SNAI1: variants seen among roughly 807,000 people sequenced by gnomAD.
The protein encoded by SNAI1 is snail family transcriptional repressor 1.
Under a neutral mutation model 24.7 loss-of-function variants are expected in SNAI1, and 15 were observed. The observed-to-expected ratio is 0.61, with a 90% CI of 0.41 to 0.93. The LOEUF (loss-of-function observed/expected upper bound fraction) is 0.93, where lower values mean the gene tolerates loss of function less well. Ranked by LOEUF, SNAI1 falls within the 40% of genes least tolerant of loss-of-function variation. The pLI is 0.00. For missense variants in SNAI1, 283 were observed against 336.7 expected, an observed-to-expected ratio of 0.84 and a Z score of 1.25; for synonymous variants, 163 against 142.9, an observed-to-expected ratio of 1.14 and a Z score of -1.00.
rs144872502 is a variant in SNAI1 at position 49,988,058 on chromosome 20, C to G, written c.*2C>G. 3.5e-4 allele frequency: 555 copies of G among 1,584,632 alleles called. 2 individuals carry two copies. In the African/African-American group the frequency reaches 6.9e-3, roughly 20 times the overall value. ...GGCTGCTCAGGATGTCCCCGCTGAC[C>G]CTCGAGGCTCCCTCTTCCTCTCCAT... On this transcript the variant is annotated 3_prime_UTR_variant, in exon 3 of 3. Transcript: ENST00000244050.
chr20:49,983,040 AC>A lies in SNAI1; in HGVS notation c.-16del. ...TGCGCTACTGCTGCGCGAATCGGCG[AC>A]CCCAGTGCCTCGACCACTATGCCGC... is the stretch of plus-strand genomic sequence containing the variant. On this transcript the variant is annotated 5_prime_UTR_variant, in exon 1 of 3. Coordinates refer to ENST00000244050, the MANE Select transcript of SNAI1 (RefSeq NM_005985.4). 6.2e-7 allele frequency: 1 copy of A among 1,602,372 alleles called. No individual in the cohort carries two copies. The highest frequency in any genetic ancestry group is 8.5e-7 in the Non-Finnish European group (1 of 1,172,232).
At chr20:49,983,674 G>A (rs981861722) in intron 1 of SNAI1, 150 bp from the exon 2 acceptor site, 23 of 735,202 alleles carry the variant, frequency 3.1e-5, no homozygotes, top group Non-Finnish European at 4.7e-5. Context: ...GGCGAGGAGG[G>A]CAGGAACCTG....
intron 1 of SNAI1, among the ~76,000 whole-genome samples, chr20:49,983,507 T>G: frequency 8.3e-6 from 1 of 120,168 alleles, no homozygotes; most frequent in African/African-American, 3.2e-5. Context: ...ACGAGATGTG[T>G]GTGAGGAGGG....
chr20:49,987,436 A>T (rs6012791), intron 2 of SNAI1, among the ~76,000 whole-genome samples: 5 of 152,014 alleles, frequency 3.3e-5, no homozygotes, highest in Non-Finnish European at 5.9e-5. Context: ...TGCCAGGGGA[A>T]CCTGAACATG....
chr20:49,988,257 T>G lies in SNAI1; in HGVS notation c.*201T>G. The G allele has an allele frequency of 1.8e-6, 1 of 553,836 alleles. No individual in the cohort carries two copies. The highest frequency in any genetic ancestry group is 3.1e-6 in the Non-Finnish European group (1 of 318,526). The allele number at this position is 553,836 out of a possible 1,614,324, so 34.3% of individuals were successfully genotyped here. A position where few individuals can be genotyped will look rare whatever the true frequency, so the allele number is the denominator to read the frequency against. ...CTCTGCCTGGGCTCTGGAAGAGGCC[T>G]TCCCATGGCCATTTCTGTGGAGGGA... On this transcript the variant is annotated 3_prime_UTR_variant, in exon 3 of 3. Transcript: ENST00000244050.
In SNAI1 at chr20:49,986,442, G is replaced by A. The variant is rs574702318; in HGVS notation, c.611-1430G>A. ...CCTGGTAGCTCAGTGTGGCACCCTA[G>A]GCACCCAGGAGGTGATGGAATGAAT... On this transcript the variant is annotated intron_variant, in intron 2 of 2. Transcript: ENST00000244050. Among the ~76,000 whole-genome samples the A allele has an allele frequency of 2.6e-5, 4 of 152,254 alleles. No homozygotes were observed. In the South Asian group the frequency reaches 8.3e-4, roughly 32 times the overall value.
Position 49,988,166 on chromosome 20 carries a change from G to A in SNAI1, c.*110G>A. 1 of 981,184 alleles carries A rather than the reference G, an allele frequency of 1.0e-6. No individual in the cohort carries two copies. The highest frequency in any genetic ancestry group is 1.5e-6 in the Non-Finnish European group (1 of 669,422). The allele number at this position is 981,184 out of a possible 1,614,324, so 60.8% of individuals were successfully genotyped here. On this transcript the variant is annotated 3_prime_UTR_variant, in exon 3 of 3. Transcript: ENST00000244050. ...TCACTGCCATGGAATTCCCTCCTGA[G>A]TGCCCCACTTCTGGCCACATCAGCC...
chr20:49,984,167 C>A lies in SNAI1; in HGVS notation c.426C>A (p.Leu142=). ...AAGTGCCCAAGCAGCTGGCCCAGCT[C>A]TCTGAGGCCAAGGATCTCCAGGCTC... The part of the protein sequence containing the change: ...LGQVPKQLAQ[L]SEAKDLQARK... Residue 142 remains leucine, a synonymous_variant, in exon 2 of 3, where the codon CTC becomes CTA. Transcript: ENST00000244050. The A allele has an allele frequency of 6.2e-7, 1 of 1,614,220 alleles. No homozygotes were observed. Among genetic ancestry groups the A allele is most frequent in the Non-Finnish European group, 8.5e-7 (1 of 1,180,044 alleles).
Position 49,988,205 on chromosome 20 carries a change from A to G in SNAI1, c.*149A>G. On this transcript the variant is annotated 3_prime_UTR_variant, in exon 3 of 3. Coordinates refer to ENST00000244050, the MANE Select transcript of SNAI1 (RefSeq NM_005985.4). ...GCCACATCAGCCCCACAGGACTTTG[A>G]TGAAGACCATTTTCTGGTTCTGTGT... The G allele has an allele frequency of 1.5e-6, 1 of 659,758 alleles. No individual in the cohort carries two copies. Among genetic ancestry groups the G allele is most frequent in the Non-Finnish European group, 2.5e-6 (1 of 398,848 alleles). The allele number at this position is 659,758 out of a possible 1,614,324, so 40.9% of individuals were successfully genotyped here.
In SNAI1 at chr20:49,984,341, G is replaced by T; in HGVS notation, c.600G>T (p.Arg200=). The change falls in exon 2 of 3, where the codon CGG becomes CGT. Residue 200 remains arginine, a synonymous_variant. Coordinates refer to ENST00000244050, the MANE Select transcript of SNAI1 (RefSeq NM_005985.4). ...CCTGGCTGCTACAAGGCCATGTCCG[G>T]ACCCACACTGGTACGTGCCCCTCCA... is the stretch of plus-strand genomic sequence containing the variant. ...SRPWLLQGHV[R]THTGEKPFSC... The T allele has an allele frequency of 6.2e-7, 1 of 1,602,706 alleles. No individual in the cohort carries two copies. Among genetic ancestry groups the T allele is most frequent in the Admixed American group, 1.7e-5 (1 of 57,882 alleles).
At chr20:49,986,371 T>A (rs1384168034) in intron 2 of SNAI1, among the ~76,000 whole-genome samples, 1 of 152,046 alleles carries the variant, frequency 6.6e-6, no homozygotes, top group Non-Finnish European at 1.5e-5. Context: ...AAGTCCCTAT[T>A]GAATGCATGG....
At chr20:49,986,186 A>G (rs2078333383) in intron 2 of SNAI1, among the ~76,000 whole-genome samples, 2 of 152,154 alleles carry the variant, frequency 1.3e-5, no homozygotes, top group Non-Finnish European at 2.9e-5. Context: ...TCACATGAAG[A>G]CTTAGAATGC....
In SNAI1 at chr20:49,986,431, G is replaced by A. The variant is rs73910363; in HGVS notation, c.611-1441G>A. On this transcript the variant is annotated intron_variant, in intron 2 of 2. Coordinates refer to ENST00000244050, the MANE Select transcript of SNAI1 (RefSeq NM_005985.4). ...CTCTCTCCTACCCTGGTAGCTCAGT[G>A]TGGCACCCTAGGCACCCAGGAGGTG... Among the ~76,000 whole-genome samples, 1,098 of 152,202 alleles carry A rather than the reference G, an allele frequency of 7.2e-3. 16 individuals carry two copies. The highest frequency in any genetic ancestry group is 0.022 in the African/African-American group (919 of 41,518).
Position 49,984,501 on chromosome 20 carries a change from C to T in SNAI1, c.610+150C>T, listed in dbSNP as rs1381732512. The T allele has an allele frequency of 7.5e-6, 6 of 801,584 alleles. No homozygotes were observed. The Admixed American group carries it at 1.8e-4, about 24-fold the overall frequency. The allele number at this position is 801,584 out of a possible 1,614,324, so 49.7% of individuals were successfully genotyped here. A position where few individuals can be genotyped will look rare whatever the true frequency, so the allele number is the denominator to read the frequency against. On this transcript the variant is annotated intron_variant, in intron 2 of 2. Transcript: ENST00000244050. ...GTTCCAGGGCCTGGCTCTCTGGAAA[C>T]GTTTGGCAGAAACTTTCTTCATCAG... is the stretch of plus-strand genomic sequence containing the variant.
Position 49,988,119 on chromosome 20 carries a change from C to T in SNAI1, c.*63C>T. 1.4e-6 allele frequency: 2 copies of T among 1,414,398 alleles called. No homozygotes were observed. Among genetic ancestry groups the T allele is most frequent in the South Asian group, 1.3e-5 (1 of 75,154 alleles). 87.6% of individuals were successfully genotyped at this position (1,414,398 alleles called of 1,614,324 possible). A position where few individuals can be genotyped will look rare whatever the true frequency, so the allele number is the denominator to read the frequency against. Reference sequence around the variant, plus strand: ...GCCTGACAGCCTTCCCCAGCTCCAGCAGGAAGGACCCCACATCCTTCTCAC... The same window carrying T: ...GCCTGACAGCCTTCCCCAGCTCCAGTAGGAAGGACCCCACATCCTTCTCAC... On this transcript the variant is annotated 3_prime_UTR_variant, in exon 3 of 3. Transcript: ENST00000244050.
rs1568931738 is a variant in SNAI1, at chr20:49,988,063, A to G, written c.*7A>G. The G allele has an allele frequency of 1.3e-6, 2 of 1,582,362 alleles. No homozygotes were observed. The highest frequency in any genetic ancestry group is 1.7e-6 in the Non-Finnish European group (2 of 1,161,376). On this transcript the variant is annotated 3_prime_UTR_variant, in exon 3 of 3. Transcript: ENST00000244050. ...CTCAGGATGTCCCCGCTGACCCTCG[A>G]GGCTCCCTCTTCCTCTCCATACCTG...
rs1309490087 is a variant in SNAI1, at chr20:49,988,497, T to C, written c.*441T>C. ...CCACCCTCCACGAGGTGTGACTAACTATGCAATAATCCACCCCCAGGTGCA... is the reference window on the plus strand; with the variant it reads ...CCACCCTCCACGAGGTGTGACTAACCATGCAATAATCCACCCCCAGGTGCA... On this transcript the variant is annotated 3_prime_UTR_variant, in exon 3 of 3. Coordinates refer to ENST00000244050, the MANE Select transcript of SNAI1 (RefSeq NM_005985.4). 6.4e-6 allele frequency: 1 copy of C among 155,700 alleles called. No homozygotes were observed. The highest frequency in any genetic ancestry group is 1.4e-5 in the Non-Finnish European group (1 of 70,608). 9.6% of individuals were successfully genotyped at this position (155,700 alleles called of 1,614,324 possible).
rs200570900 is a variant in SNAI1 at position 49,987,873 on chromosome 20, C to T, written c.612C>T (p.Gly204=). The change falls in exon 3 of 3, where the codon GGC becomes GGT. Residue 204 remains glycine (G), a splice_region_variant and synonymous_variant. Transcript: ENST00000244050. ...LLQGHVRTHT[G]EKPFSCPHCS... ...GCCTTTCTGGCGTTCTCTCCCCAGG[C>T]GAGAAGCCCTTCTCCTGTCCCCACT... 1.4e-5 allele frequency: 22 copies of T among 1,613,820 alleles called. No homozygotes were observed. Among genetic ancestry groups the T allele is most frequent in the East Asian group, 2.2e-5 (1 of 44,882 alleles).
chr20:49,987,170 A>G (rs1372516065), intron 2 of SNAI1, among the ~76,000 whole-genome samples: 1 of 152,016 alleles, frequency 6.6e-6, no homozygotes, highest in Non-Finnish European at 1.5e-5. Context: ...GCCTGATTGG[A>G]GAACAGACAA....
Sources: allele counts gnomAD v4.1 joint callset (sites outside exome capture counted in the v4.1 genomes callset), GRCh38; gene constraint gnomAD v4.1.1; transcripts MANE v1.5; gene names NCBI Gene and HGNC (gene_info 2026-07-23, HGNC 2026-07-21).